ORC5: variants seen among roughly 807,000 people sequenced by gnomAD.
The protein encoded by ORC5 is protein phosphatase 1, regulatory subunit 117.
In ORC5, 39 loss-of-function variants were observed where a neutral mutation model predicts 58.8. That is an observed-to-expected ratio of 0.66 (90% CI 0.51 to 0.87). The LOEUF (loss-of-function observed/expected upper bound fraction) is 0.87. Ranked by LOEUF, ORC5 falls within the 40% of genes least tolerant of loss-of-function variation. The probability of loss-of-function intolerance (pLI) is 0.00; values close to 1 mark genes in which losing one functional copy is unlikely to be tolerated. For synonymous variants in ORC5, 218 were observed against 177.6 expected, an observed-to-expected ratio of 1.23 and a Z score of -1.81; for missense variants, 493 against 506.3, an observed-to-expected ratio of 0.97 and a Z score of 0.25.
At chr7:104,198,359 C>T (rs1799851453) in intron 3 of ORC5, among the ~76,000 whole-genome samples, 1 of 152,138 alleles carries the variant, frequency 6.6e-6, no homozygotes, top group Admixed American at 6.5e-5. Context: ...CAATGAAGTA[C>T]AGACTGAGGT....
At chr7:104,200,364 T>A (rs1799909373) in intron 3 of ORC5, among the ~76,000 whole-genome samples, 1 of 152,220 alleles carries the variant, frequency 6.6e-6, no homozygotes, top group African/African-American at 2.4e-5. Flanking sequence ...TATTTGGTAC[T>A]CTCTGGCCTC....
intron 12 of ORC5, among the ~76,000 whole-genome samples, chr7:104,155,965 C>G (rs6975642): frequency 0.053 from 8,086 of 151,594 alleles, 711 homozygotes; most frequent in African/African-American, 0.18. Flanking sequence ...TCTTTAAAAG[C>G]TGACAAATGG....
chr7:104,200,665 CATA>C (rs1799916351), intron 3 of ORC5, 90 bp downstream of exon 3: 7 of 781,176 alleles, frequency 9.0e-6, no homozygotes, highest in Middle Eastern at 3.7e-4. Flanking sequence ...GAGCACTGTA[CATA>C]ATGAGACTCA....
chr7:104,197,925 G>A, intron 3 of ORC5, 126 bp from the exon 4 acceptor site: 2 of 559,888 alleles, frequency 3.6e-6, no homozygotes. Flanking sequence ...GCAGTATTGG[G>A]AAGAGAAGCT....
intron 12 of ORC5, among the ~76,000 whole-genome samples, chr7:104,151,595 T>C (rs1011152830): frequency 6.6e-6 from 1 of 152,174 alleles, no homozygotes; most frequent in Non-Finnish European, 1.5e-5. Flanking sequence ...AAATGATTAG[T>C]TTTGAAATCT....
chr7:104,195,210 CCAAA>C lies in ORC5; in HGVS notation c.482_485del (p.Val161GlyfsTer23), dbSNP rs1247671324. The stretch of plus-strand genomic sequence containing the variant: ...ATCCAGTATTTGGACGAAACTTTTC[CCAAA>C]CAATTTCACTGAGAAAGAGAACAGT... On this transcript the variant is annotated frameshift_variant, in exon 5 of 14. Transcript: ENST00000297431. LOFTEE classifies it high-confidence loss of function. 14 of 1,573,222 alleles carry C rather than the reference CCAAA, an allele frequency of 8.9e-6. No individual in the cohort carries two copies. Among genetic ancestry groups the C allele is most frequent in the Non-Finnish European group, 1.0e-5 (12 of 1,165,234 alleles).
intron 4 of ORC5, among the ~76,000 whole-genome samples, chr7:104,195,980 T>TA (rs140156712): frequency 0.029 from 4,454 of 152,202 alleles, 198 homozygotes; most frequent in African/African-American, 0.1. Context: ...ATACTTAACA[T>TA]AAAAAAATGA....
intron 8 of ORC5, among the ~76,000 whole-genome samples, chr7:104,178,458 T>C (rs1052223375): frequency 1.3e-5 from 2 of 152,204 alleles, no homozygotes; most frequent in African/African-American, 4.8e-5. Flanking sequence ...TTCTGGATAT[T>C]AGACCTTTGC....
chr7:104,169,927 T>C (rs1799180892), intron 8 of ORC5, among the ~76,000 whole-genome samples: 2 of 152,220 alleles, frequency 1.3e-5, no homozygotes, highest in Admixed American at 6.5e-5. Context: ...TTAAATTCAA[T>C]GTTCATCATC....
In ORC5 at chr7:104,195,235, A is replaced by C; in HGVS notation, c.461T>G (p.Val154Gly). The C allele has an allele frequency of 6.4e-7, 1 of 1,558,090 alleles. No homozygotes were observed. Among genetic ancestry groups the C allele is most frequent in the South Asian group, 1.2e-5 (1 of 81,298 alleles). ...LQELADRNVT[V>G]LFLSEIVWEK... ...CCAAACAATTTCACTGAGAAAGAGA[A>C]CAGTCACATTTCTGTCAGCCTGTAA... Residue 154 changes from valine to glycine, a missense_variant, in exon 5 of 14, where the codon GTT (valine) becomes GGT (glycine). By Grantham distance (109) the Val-to-Gly change is moderately radical. Coordinates refer to ENST00000297431, the MANE Select transcript of ORC5 (RefSeq NM_002553.4).
At position 104,204,182 on chromosome 7, in the gene ORC5, C is replaced by A; in HGVS notation, c.125G>T (p.Gly42Val). 2 of 1,600,848 alleles carry A rather than the reference C, an allele frequency of 1.2e-6. No individual in the cohort carries two copies. Among genetic ancestry groups the A allele is most frequent in the Admixed American group, 1.7e-5 (1 of 59,232 alleles). ...SIFIYGHTASGKTYVTQTLLK... is the reference protein window; with the variant it reads ...SIFIYGHTASVKTYVTQTLLK... ...CAACGTTTGTGTTACATAGGTCTTT[C>A]CACTAGCAGTATGTCCATAAATAAA... Residue 42 changes from glycine to valine, a missense_variant, in exon 2 of 14, where the codon GGA (glycine) becomes GTA (valine). Transcript: ENST00000297431.
chr7:104,207,021 T>C (rs1191899822), intron 1 of ORC5, among the ~76,000 whole-genome samples: 1 of 152,100 alleles, frequency 6.6e-6, no homozygotes, highest in South Asian at 2.1e-4. Context: ...CCTCACTAAG[T>C]GGCAGCAACG....
At chr7:104,154,128 G>A (rs1454463104) in intron 12 of ORC5, among the ~76,000 whole-genome samples, 1 of 151,912 alleles carries the variant, frequency 6.6e-6, no homozygotes, top group Admixed American at 6.6e-5. Context: ...TTTAAGAAAA[G>A]CCACTCAGAC....
chr7:104,186,580 A>G (rs974812739), intron 6 of ORC5, among the ~76,000 whole-genome samples: 2 of 152,174 alleles, frequency 1.3e-5, no homozygotes, highest in African/African-American at 4.8e-5. Context: ...TAGCCTCTGA[A>G]AAATACAGAA....
At chr7:104,171,834 G>A (rs1367230890) in intron 8 of ORC5, among the ~76,000 whole-genome samples, 4 of 152,050 alleles carry the variant, frequency 2.6e-5, no homozygotes, top group South Asian at 4.1e-4. Context: ...CAGCCTGGAC[G>A]AGACAATGGG....
chr7:104,156,307 A>C (rs1798924357), intron 12 of ORC5, among the ~76,000 whole-genome samples: 1 of 151,834 alleles, frequency 6.6e-6, no homozygotes, highest in African/African-American at 2.4e-5. Flanking sequence ...ATTAACATAA[A>C]ATGTTAAATG....
At chr7:104,180,062 C>A (rs939344212) in intron 8 of ORC5, among the ~76,000 whole-genome samples, 5 of 152,106 alleles carry the variant, frequency 3.3e-5, no homozygotes, top group South Asian at 2.1e-4. Context: ...TGAATTATTC[C>A]ATGTAACCAG....
At chr7:104,185,200 AC>A (rs1320621595) in intron 6 of ORC5, among the ~76,000 whole-genome samples, 1 of 152,144 alleles carries the variant, frequency 6.6e-6, no homozygotes, top group Non-Finnish European at 1.5e-5. Context: ...TATGTAACAA[AC>A]CTGCACGCCC....
chr7:104,196,130 T>C (rs1799795564), intron 4 of ORC5, among the ~76,000 whole-genome samples: 2 of 152,194 alleles, frequency 1.3e-5, no homozygotes, highest in Admixed American at 6.5e-5. Flanking sequence ...ACAGTTTCTG[T>C]AATTGAAACT....
Sources: gnomAD v4.1 joint callset for allele counts (sites outside exome capture counted in the v4.1 genomes callset) on GRCh38, gnomAD v4.1.1 for gene constraint, MANE v1.5 for transcripts, NCBI Gene and HGNC (gene_info 2026-07-23, HGNC 2026-07-21) for gene names.